BRD10: variants seen among roughly 807,000 people sequenced by gnomAD.
BRD10 encodes the protein uncharacterized bromodomain-containing protein 10.
At chr9:6,000,038 A>G in the BRD10 span, among the ~76,000 whole-genome samples, 1 of 152,168 alleles carries the variant, frequency 6.6e-6, no homozygotes, top group Admixed American at 6.5e-5. Context: ...TTTTAATATA[A>G]AAGTAATATG....
At chr9:5,956,465 T>C in the BRD10 span, among the ~76,000 whole-genome samples, 1 of 152,158 alleles carries the variant, frequency 6.6e-6, no homozygotes, top group Non-Finnish European at 1.5e-5. Context: ...AGCTATCACA[T>C]ACAAGACCTT....
At chr9:5,952,420 T>G in the BRD10 span, among the ~76,000 whole-genome samples, 3 of 152,182 alleles carry the variant, frequency 2.0e-5, no homozygotes, top group African/African-American at 7.2e-5. Flanking sequence ...ACACATACAA[T>G]TGAAACCAAA....
the BRD10 span, chr9:5,919,804 C>T: frequency 6.2e-7 from 1 of 1,613,834 alleles, no homozygotes. Flanking sequence ...GTGAAGAAAC[C>T]TTAGATGCTG....
At chr9:5,916,185 A>G in the BRD10 span, among the ~76,000 whole-genome samples, 3 of 152,182 alleles carry the variant, frequency 2.0e-5, no homozygotes. Flanking sequence ...CTACTTCTGG[A>G]ATGACTTCAG....
chr9:5,964,433 T>C, the BRD10 span, among the ~76,000 whole-genome samples: 17 of 150,580 alleles, frequency 1.1e-4, no homozygotes, highest in African/African-American at 3.9e-4. Context: ...TGTGGAGAAA[T>C]AGGAACACTT....
the BRD10 span, among the ~76,000 whole-genome samples, chr9:5,879,095 T>G: frequency 6.6e-6 from 1 of 152,192 alleles, no homozygotes; most frequent in Non-Finnish European, 1.5e-5. Flanking sequence ...ACAGTAGAGC[T>G]GATGCTGGCT....
the BRD10 span, among the ~76,000 whole-genome samples, chr9:5,884,744 C>T: frequency 6.6e-6 from 1 of 152,140 alleles, no homozygotes; most frequent in Non-Finnish European, 1.5e-5. Context: ...AATATTTTTC[C>T]ACTCCAAAGG....
At chr9:5,979,520 C>CA in the BRD10 span, among the ~76,000 whole-genome samples, 29 of 149,338 alleles carry the variant, frequency 1.9e-4, no homozygotes, top group African/African-American at 6.9e-4. Context: ...AAAAAACCCA[C>CA]AAACAAAAAA....
the BRD10 span, among the ~76,000 whole-genome samples, chr9:5,977,116 AAC>A: frequency 2.0e-5 from 3 of 152,244 alleles, no homozygotes; most frequent in Admixed American, 1.3e-4. Flanking sequence ...AAGAGACAGA[AAC>A]ACAGTTTGCC....
At chr9:5,935,535 G>C in the BRD10 span, among the ~76,000 whole-genome samples, 4 of 152,142 alleles carry the variant, frequency 2.6e-5, no homozygotes, top group Non-Finnish European at 5.9e-5. Context: ...ATTAACCACT[G>C]GTTGAGTATC....
the BRD10 span, among the ~76,000 whole-genome samples, chr9:5,912,024 T>C: frequency 2.2e-4 from 34 of 152,366 alleles, no homozygotes; most frequent in Non-Finnish European, 3.2e-4. Flanking sequence ...TCTGTAAACA[T>C]TGAATATCTT....
the BRD10 span, among the ~76,000 whole-genome samples, chr9:5,971,616 A>G: frequency 6.6e-6 from 1 of 152,244 alleles, no homozygotes; most frequent in Non-Finnish European, 1.5e-5. Flanking sequence ...ATGTCATACT[A>G]TAACTGTCAT....
chr9:5,986,022 T>C, the BRD10 span, among the ~76,000 whole-genome samples: 4 of 152,282 alleles, frequency 2.6e-5, no homozygotes, highest in African/African-American at 4.8e-5. Context: ...GCAGGTTTGT[T>C]ACACAGGTAA....
the BRD10 span, among the ~76,000 whole-genome samples, chr9:5,903,645 C>G: frequency 2.8e-4 from 43 of 152,250 alleles, no homozygotes; most frequent in Admixed American, 2.0e-3. Flanking sequence ...CCTTGCAGTT[C>G]TATCAGTTTT....
the BRD10 span, among the ~76,000 whole-genome samples, chr9:5,979,738 C>T: frequency 4.6e-5 from 7 of 151,850 alleles, no homozygotes; most frequent in Non-Finnish European, 7.4e-5. Flanking sequence ...CTAAAATAGC[C>T]GGTATGGTGG....
the BRD10 span, among the ~76,000 whole-genome samples, chr9:5,882,387 G>A: frequency 6.6e-6 from 1 of 152,156 alleles, no homozygotes; most frequent in Non-Finnish European, 1.5e-5. Flanking sequence ...TGAGACCCAA[G>A]CTAGCCAAAC....
chr9:5,940,477 G>C, the BRD10 span, among the ~76,000 whole-genome samples: 2 of 152,202 alleles, frequency 1.3e-5, no homozygotes, highest in East Asian at 3.8e-4. Context: ...ACAGGCGTGA[G>C]CCACCGCGCC....
At chr9:5,992,375 T>C in the BRD10 span, among the ~76,000 whole-genome samples, 2 of 152,220 alleles carry the variant, frequency 1.3e-5, no homozygotes, top group African/African-American at 2.4e-5. Context: ...GTCATCTATA[T>C]TGTCCATAGT....
chr9:5,946,560 T>C, the BRD10 span, among the ~76,000 whole-genome samples: 2 of 152,090 alleles, frequency 1.3e-5, no homozygotes, highest in Non-Finnish European at 2.9e-5. Context: ...AAGTATTCAG[T>C]GAGGACTAAA....
Sources: allele counts gnomAD v4.1 joint callset (sites outside exome capture counted in the v4.1 genomes callset), GRCh38; gene constraint gnomAD v4.1.1; transcripts MANE v1.5; gene names NCBI Gene and HGNC (gene_info 2026-07-23, HGNC 2026-07-21).